Variants in SNX29 observed in about 807,000 individuals in gnomAD.
The protein encoded by SNX29 is sorting nexin-29.
Under a neutral mutation model 102.1 loss-of-function variants are expected in SNX29, and 78 were observed. The observed-to-expected ratio is 0.76, with a 90% confidence interval of 0.64 to 0.92. The LOEUF (loss-of-function observed/expected upper bound fraction) is 0.92, where lower values mean the gene tolerates loss of function less well. SNX29 is among the 40% of genes least tolerant of loss of function. SNX29 has a pLI of 0.00. For synonymous variants in SNX29, 580 were observed against 414.5 expected, an observed-to-expected ratio of 1.40 and a Z score of -4.85; for missense variants, 1,280 against 1,061.7, an observed-to-expected ratio of 1.21 and a Z score of -2.86.
chr16:12,549,260 C>T (rs2077808759), intron 20 of SNX29, among the ~76,000 whole-genome samples: 1 of 152,212 alleles, frequency 6.6e-6, no homozygotes, highest in Non-Finnish European at 1.5e-5. Flanking sequence ...CTTTGGGAGG[C>T]TGAGGTGGTA....
intron 20 of SNX29, among the ~76,000 whole-genome samples, chr16:12,552,298 C>G (rs1290473662): frequency 2.0e-5 from 3 of 152,166 alleles, no homozygotes; most frequent in Admixed American, 6.6e-5. Context: ...CCTCAGTTTC[C>G]TCTTCTAGAA....
rs952315249 is a variant in SNX29 at position 12,551,751 on chromosome 16, C to G, written c.2319-16755C>G. ...ACAGCTGACAAGAAATACTTCCTGG[C>G]TGCCTTGTACACATACCAGGGGCCC... On this transcript the variant is annotated intron_variant, in intron 20 of 20. Coordinates refer to ENST00000566228, the MANE Select transcript of SNX29 (RefSeq NM_032167.5). Among the ~76,000 whole-genome samples the G allele has an allele frequency of 4.6e-5, 7 of 152,240 alleles. 1 individual carries two copies. The highest frequency in any genetic ancestry group is 1.2e-4 in the African/African-American group (5 of 41,454).
chr16:12,314,611 CTTTAT>C (rs2080671910), intron 15 of SNX29, among the ~76,000 whole-genome samples: 1 of 152,232 alleles, frequency 6.6e-6, no homozygotes, highest in African/African-American at 2.4e-5. Context: ...CCACTTAAGT[CTTTAT>C]TTTAAAAACT....
intron 1 of SNX29, among the ~76,000 whole-genome samples, chr16:11,986,214 T>G (rs533947398): frequency 1.9e-4 from 29 of 151,948 alleles, no homozygotes; most frequent in Non-Finnish European, 3.4e-4. Context: ...TGCCCTGACT[T>G]TTTGCTGTCC....
chr16:12,268,516 C>T (rs975960566), intron 14 of SNX29, among the ~76,000 whole-genome samples: 1 of 152,160 alleles, frequency 6.6e-6, no homozygotes, highest in African/African-American at 2.4e-5. Context: ...AAGACCATTT[C>T]CTTTGTTGGA....
chr16:12,545,411 C>G (rs941035826), intron 20 of SNX29: 5 of 152,252 alleles, frequency 3.3e-5, no homozygotes, highest in East Asian at 1.9e-4. Context: ...TAACCGGGTC[C>G]TGCCTGGCCC....
In SNX29 at chr16:12,096,943, T is replaced by G. The variant is rs1398421182; in HGVS notation, c.1402+18028T>G. Among the ~76,000 whole-genome samples, 1 of 151,966 alleles carries G rather than the reference T, an allele frequency of 6.6e-6. No homozygotes were observed. The highest frequency in any genetic ancestry group is 2.4e-5 in the African/African-American group (1 of 41,348). On this transcript the variant is annotated intron_variant, in intron 11 of 20. Coordinates refer to ENST00000566228, the MANE Select transcript of SNX29 (RefSeq NM_032167.5). This position sits in a 1 kb window ranked among gnomAD's most constrained non-coding sequence, Gnocchi z 4.2. Reference sequence around the variant, plus strand: ...CCAGAGGGTCACAGGAGGGAAAGGTTAAGGGCTCGGTGCAGGGGAGGTCAG... The same window carrying G: ...CCAGAGGGTCACAGGAGGGAAAGGTGAAGGGCTCGGTGCAGGGGAGGTCAG...
At chr16:12,125,603 CTCTTTTTTTTTTTT>C (rs1472954292) in intron 11 of SNX29, among the ~76,000 whole-genome samples, 24,328 of 71,226 alleles carry the variant, frequency 0.34, 5,801 homozygotes, top group East Asian at 0.49. Context: ...GCTGAGATCT[CTCTTTTTTTTTTTT>C]TTTTTTTTTT....
At chr16:12,030,167 C>T (rs2151128646) in intron 4 of SNX29, among the ~76,000 whole-genome samples, 1 of 152,314 alleles carries the variant, frequency 6.6e-6, no homozygotes, top group East Asian at 1.9e-4. Flanking sequence ...ATATCACTTC[C>T]ATACCCTCAA....
chr16:12,210,489 C>A (rs548192679), intron 14 of SNX29, among the ~76,000 whole-genome samples: 1 of 151,804 alleles, frequency 6.6e-6, no homozygotes, highest in African/African-American at 2.4e-5. Flanking sequence ...CCATCACTCT[C>A]GGTGGGACTG....
chr16:12,094,862 T>A (rs2052704521), intron 11 of SNX29, among the ~76,000 whole-genome samples: 1 of 150,328 alleles, frequency 6.7e-6, no homozygotes, highest in Non-Finnish European at 1.5e-5. Context: ...TGTCTTAGGC[T>A]TTTTTTTTAA....
intron 14 of SNX29, among the ~76,000 whole-genome samples, chr16:12,274,628 C>A (rs141970495): frequency 6.6e-6 from 1 of 151,940 alleles, no homozygotes; most frequent in Admixed American, 6.6e-5. Flanking sequence ...CCTCTGCCTC[C>A]GAGGCTCAAG....
chr16:12,424,705 G>C (rs2084989974), intron 18 of SNX29, among the ~76,000 whole-genome samples: 1 of 152,178 alleles, frequency 6.6e-6, no homozygotes, highest in Non-Finnish European at 1.5e-5. Flanking sequence ...GTTGTTCCGA[G>C]TGGAGTTCTA....
intron 13 of SNX29, among the ~76,000 whole-genome samples, chr16:12,146,262 A>ATTTTTTTTTTTT: frequency 6.9e-6 from 1 of 143,918 alleles, no homozygotes; most frequent in Non-Finnish European, 1.5e-5. Context: ...AAAGTATATG[A>ATTTTTTTTTTTT]TTTTTTTTTT....
At chr16:12,404,088 C>A (rs537342700) in intron 18 of SNX29, among the ~76,000 whole-genome samples, 5 of 152,258 alleles carry the variant, frequency 3.3e-5, no homozygotes, top group Admixed American at 3.3e-4. Flanking sequence ...CCACCACTGT[C>A]GCCAGGGTGG....
chr16:12,418,027 G>A (rs1041799350), intron 18 of SNX29, among the ~76,000 whole-genome samples: 1 of 152,128 alleles, frequency 6.6e-6, no homozygotes, highest in Non-Finnish European at 1.5e-5. Flanking sequence ...GTTTTTCTCT[G>A]GGAACCACAT....
At chr16:12,508,100 A>G (rs2089456885) in intron 19 of SNX29, among the ~76,000 whole-genome samples, 1 of 152,246 alleles carries the variant, frequency 6.6e-6, no homozygotes, top group African/African-American at 2.4e-5. Context: ...AAAGGGAGGT[A>G]CCGCTACCTT....
Position 12,571,629 on chromosome 16 carries a change from T to C in SNX29, c.*3000T>C, listed in dbSNP as rs985568392. On this transcript the variant is annotated 3_prime_UTR_variant, in exon 21 of 21. Transcript: ENST00000566228. The stretch of plus-strand genomic sequence containing the variant: ...AGGTTCCATCTTTCACATCTTTTTT[T>C]CTCCCCCAGATGAAAGACGACTCAG... 58 of 1,058,916 alleles carry C rather than the reference T, an allele frequency of 5.5e-5. No individual in the cohort carries two copies. The highest frequency in any genetic ancestry group is 4.2e-4 in the Middle Eastern group (1 of 2,394). The allele number at this position is 1,058,916 out of a possible 1,614,324, so 65.6% of individuals were successfully genotyped here.
intron 19 of SNX29, among the ~76,000 whole-genome samples, chr16:12,485,504 C>G (rs892354502): frequency 6.6e-6 from 1 of 152,186 alleles, no homozygotes; most frequent in African/African-American, 2.4e-5. Flanking sequence ...AACACATACA[C>G]CCGTGTGTGG....
Sources: allele counts gnomAD v4.1 joint callset (sites outside exome capture counted in the v4.1 genomes callset), GRCh38; gene constraint gnomAD v4.1.1; non-coding constraint Gnocchi (gnomAD v3.1); transcripts MANE v1.5; gene names NCBI Gene and HGNC (gene_info 2026-07-23, HGNC 2026-07-21).